PRKCE: variants seen among roughly 807,000 people sequenced by gnomAD.
PRKCE encodes protein kinase C epsilon.
A neutral mutation model predicts 85.4 loss-of-function variants in PRKCE; 16 were observed. The observed-to-expected ratio is 0.19, with a 90% CI of 0.13 to 0.28. The LOEUF (loss-of-function observed/expected upper bound fraction) is 0.28, where lower values mean the gene tolerates loss of function less well. Ranked by LOEUF, PRKCE falls within the 10% of genes least tolerant of loss-of-function variation. PRKCE has a pLI of 1.00. For synonymous variants in PRKCE, 388 were observed against 371.5 expected, an observed-to-expected ratio of 1.04 and a Z score of -0.51; for missense variants, 573 against 975.2, an observed-to-expected ratio of 0.59 and a Z score of 5.49.
chr2:46,079,036 G>A (rs971438058), intron 10 of PRKCE, among the ~76,000 whole-genome samples: 3 of 151,956 alleles, frequency 2.0e-5, no homozygotes, highest in Non-Finnish European at 4.4e-5. Flanking sequence ...AATTAGCAAG[G>A]TGTGGTGGCG....
intron 1 of PRKCE, among the ~76,000 whole-genome samples, chr2:45,826,275 T>G (rs1689933629): frequency 6.6e-6 from 1 of 152,200 alleles, no homozygotes; most frequent in Non-Finnish European, 1.5e-5. Context: ...AATAAAGCAT[T>G]TGGGGGAATT....
chr2:45,664,904 G>A (rs919570423), intron 1 of PRKCE, among the ~76,000 whole-genome samples: 1 of 152,154 alleles, frequency 6.6e-6, no homozygotes, highest in African/African-American at 2.4e-5. Flanking sequence ...CCTACCATGT[G>A]AGTCTTATAT....
intron 11 of PRKCE, among the ~76,000 whole-genome samples, chr2:46,108,373 G>C (rs1671943381): frequency 6.6e-6 from 1 of 152,116 alleles, no homozygotes; most frequent in Admixed American, 6.6e-5. Flanking sequence ...GATAGAATTG[G>C]AGGCCATTGT....
At chr2:45,728,320 C>G (rs542267357) in intron 1 of PRKCE, among the ~76,000 whole-genome samples, 48 of 152,222 alleles carry the variant, frequency 3.2e-4, no homozygotes, top group Non-Finnish European at 6.5e-4. Context: ...TTTTATAAGA[C>G]CCTAATTGCC....
chr2:45,954,812 A>G (rs1384933251), intron 2 of PRKCE, among the ~76,000 whole-genome samples: 2 of 152,212 alleles, frequency 1.3e-5, no homozygotes. Flanking sequence ...TATTTTGTGA[A>G]AAGACATTTT....
At chr2:45,775,067 T>C (rs887030173) in intron 1 of PRKCE, among the ~76,000 whole-genome samples, 2 of 152,186 alleles carry the variant, frequency 1.3e-5, no homozygotes, top group Non-Finnish European at 2.9e-5. Context: ...AGGGGGGCCT[T>C]GAGGAAGGAA....
At chr2:46,166,229 C>T (rs1678328809) in intron 14 of PRKCE, among the ~76,000 whole-genome samples, 1 of 152,232 alleles carries the variant, frequency 6.6e-6, no homozygotes, top group African/African-American at 2.4e-5. Flanking sequence ...CAGCCCCTTC[C>T]CCTGAAGCCA....
Position 45,878,342 on chromosome 2 carries a change from C to T in PRKCE, c.412+35279C>T, listed in dbSNP as rs766816929. ...CTGGTAGTCCACAGCCACCTTATAACAAGTTTAGGGCTTGAATATCTCAAG... is the reference window on the plus strand; with the variant it reads ...CTGGTAGTCCACAGCCACCTTATAATAAGTTTAGGGCTTGAATATCTCAAG... On this transcript the variant is annotated intron_variant, in intron 2 of 14. Coordinates refer to ENST00000306156, the MANE Select transcript of PRKCE (RefSeq NM_005400.3). Among the ~76,000 whole-genome samples, 5 of 152,192 alleles carry T rather than the reference C, an allele frequency of 3.3e-5. No individual in the cohort carries two copies. In the East Asian group the frequency reaches 5.8e-4, roughly 18 times the overall value.
At chr2:46,109,842 T>A (rs1333183152) in intron 11 of PRKCE, among the ~76,000 whole-genome samples, 2 of 152,134 alleles carry the variant, frequency 1.3e-5, no homozygotes, top group Non-Finnish European at 2.9e-5. Context: ...AATGTTTTTG[T>A]AGATGCTCCC....
At chr2:46,020,105 C>G (rs550579425) in intron 10 of PRKCE, among the ~76,000 whole-genome samples, 1 of 152,228 alleles carries the variant, frequency 6.6e-6, no homozygotes, top group African/African-American at 2.4e-5. Context: ...CTGCCTCGGC[C>G]TTCCACAATG....
At position 45,928,672 on chromosome 2, in the gene PRKCE, G is replaced by T. The variant is rs546096316; in HGVS notation, c.413-47757G>T. Among the ~76,000 whole-genome samples, 16 of 152,316 alleles carry T rather than the reference G, an allele frequency of 1.1e-4. No homozygotes were observed. The East Asian group carries it at 2.9e-3, about 28-fold the overall frequency. On this transcript the variant is annotated intron_variant, in intron 2 of 14. Transcript: ENST00000306156. Reference sequence around the variant, plus strand: ...ATTTTTAACAGAAGGATGCCGAAGCGTCTTTGCTAGAATGGCAAGAATCGA... The same window carrying T: ...ATTTTTAACAGAAGGATGCCGAAGCTTCTTTGCTAGAATGGCAAGAATCGA...
chr2:46,015,224 T>A (rs997793995), intron 10 of PRKCE, among the ~76,000 whole-genome samples: 3 of 152,044 alleles, frequency 2.0e-5, no homozygotes, highest in African/African-American at 7.3e-5. Context: ...GAGGTAGTTT[T>A]GTTTTTTTTT....
intron 10 of PRKCE, among the ~76,000 whole-genome samples, chr2:46,023,517 C>T (rs1344269623): frequency 1.3e-5 from 2 of 152,216 alleles, no homozygotes; most frequent in Non-Finnish European, 2.9e-5. Flanking sequence ...TTTAGAACTA[C>T]AGCTGGTTAA....
chr2:46,021,834 T>TTG (rs1026921687), intron 10 of PRKCE, among the ~76,000 whole-genome samples: 2 of 152,104 alleles, frequency 1.3e-5, no homozygotes, highest in African/African-American at 2.4e-5. Flanking sequence ...ATTTACCTTT[T>TTG]TGTGTGTGTG....
chr2:45,760,538 C>T (rs1187943887), intron 1 of PRKCE, among the ~76,000 whole-genome samples: 1 of 152,038 alleles, frequency 6.6e-6, no homozygotes, highest in Non-Finnish European at 1.5e-5. Flanking sequence ...CCTTCATAAG[C>T]GTGGAGGATT....
At chr2:46,112,348 G>C (rs1419119956) in intron 11 of PRKCE, among the ~76,000 whole-genome samples, 1 of 151,818 alleles carries the variant, frequency 6.6e-6, no homozygotes, top group Non-Finnish European at 1.5e-5. Context: ...GGTTTGTTTT[G>C]GTTTGCTTGC....
chr2:45,803,576 G>A (rs1004298692), intron 1 of PRKCE, among the ~76,000 whole-genome samples: 2 of 152,118 alleles, frequency 1.3e-5, no homozygotes, highest in Non-Finnish European at 1.5e-5. Flanking sequence ...GAGTGGTCAC[G>A]AGGATGCTTT....
At chr2:45,885,364 C>CAA (rs1460746587) in intron 2 of PRKCE, among the ~76,000 whole-genome samples, 5 of 152,126 alleles carry the variant, frequency 3.3e-5, no homozygotes, top group Admixed American at 6.6e-5. Context: ...GGGAACAGAG[C>CAA]AAAGCTCTCT....
intron 11 of PRKCE, among the ~76,000 whole-genome samples, chr2:46,104,304 T>TTTTTTTC (rs1290134564): frequency 2.0e-5 from 3 of 150,556 alleles, no homozygotes; most frequent in African/African-American, 7.3e-5. Context: ...TACTTTTTTT[T>TTTTTTTC]TTTTTTTTTT....
Sources: allele counts gnomAD v4.1 joint callset (sites outside exome capture counted in the v4.1 genomes callset), GRCh38; gene constraint gnomAD v4.1.1; transcripts MANE v1.5; gene names NCBI Gene and HGNC (gene_info 2026-07-23, HGNC 2026-07-21).